Variants in PATJ observed in about 807,000 individuals in gnomAD.
PATJ encodes the protein inaD-like protein.
In PATJ, 190 loss-of-function variants were observed where a neutral mutation model predicts 224.9. That is an observed-to-expected ratio of 0.84 (90% CI 0.75 to 0.95). The LOEUF (loss-of-function observed/expected upper bound fraction) is 0.95, where lower values mean the gene tolerates loss of function less well. Ranked by LOEUF, PATJ falls within the 40% of genes least tolerant of loss-of-function variation. The pLI is 0.00. For synonymous variants in PATJ, 769 were observed against 820.3 expected, an observed-to-expected ratio of 0.94 and a Z score of 1.07; for missense variants, 2,121 against 2,270.3, an observed-to-expected ratio of 0.93 and a Z score of 1.34.
At chr1:62,157,998 T>C (rs72677988) in intron 43 of PATJ, among the ~76,000 whole-genome samples, 5,563 of 149,232 alleles carry the variant, frequency 0.037, 516 homozygotes, top group Non-Finnish European at 0.051. Context: ...GCCATGAACT[T>C]GGTTGTCACT....
chr1:61,856,334 G>C (rs941527488), intron 18 of PATJ, 95 bp downstream of exon 18: 1 of 958,496 alleles, frequency 1.0e-6, no homozygotes, highest in East Asian at 2.4e-5. Flanking sequence ...AAGAATTTCT[G>C]TTCTACTGTT....
At chr1:62,061,490 C>T (rs921772847) in intron 31 of PATJ, among the ~76,000 whole-genome samples, 2 of 151,774 alleles carry the variant, frequency 1.3e-5, no homozygotes, top group Non-Finnish European at 2.9e-5. Flanking sequence ...CCTGTTTTTC[C>T]CATCTTTATG....
At chr1:61,788,093 C>G in intron 8 of PATJ, 121 bp downstream of exon 8, 1 of 546,810 alleles carries the variant, frequency 1.8e-6, no homozygotes, top group Non-Finnish European at 2.7e-6. Context: ...ACTAGTGAAA[C>G]AGGAAAAAAA....
chr1:61,898,861 A>G (rs866401874), intron 22 of PATJ, among the ~76,000 whole-genome samples: 27 of 152,258 alleles, frequency 1.8e-4, no homozygotes, highest in Middle Eastern at 6.8e-3. Flanking sequence ...AACATGACTC[A>G]TTGCACTCTT....
intron 27 of PATJ, among the ~76,000 whole-genome samples, chr1:61,986,233 A>G (rs1276112934): frequency 2.6e-5 from 4 of 152,002 alleles, no homozygotes; most frequent in African/African-American, 9.7e-5. Context: ...TTTAATAGCT[A>G]GTAGTTCATT....
intron 25 of PATJ, among the ~76,000 whole-genome samples, chr1:61,911,709 A>C (rs1395044454): frequency 6.8e-6 from 1 of 147,124 alleles, no homozygotes; most frequent in Non-Finnish European, 1.5e-5. Context: ...ATATATATAT[A>C]TATATATATC....
chr1:62,088,500 T>C (rs1660315597), intron 33 of PATJ, among the ~76,000 whole-genome samples: 1 of 152,126 alleles, frequency 6.6e-6, no homozygotes, highest in African/African-American at 2.4e-5. Context: ...AACTCAGAGG[T>C]GATGCTGACC....
chr1:62,062,416 T>TTTTTTTTTTTTTTTG (rs1655671124), intron 31 of PATJ, among the ~76,000 whole-genome samples: 1 of 131,388 alleles, frequency 7.6e-6, no homozygotes, highest in Non-Finnish European at 1.7e-5. Context: ...TTTTTTTTTT[T>TTTTTTTTTTTTTTTG]TTTCCTTTTT....
chr1:61,928,752 TATA>T (rs926110017), intron 27 of PATJ, among the ~76,000 whole-genome samples: 392 of 151,982 alleles, frequency 2.6e-3, no homozygotes, highest in African/African-American at 9.0e-3. Flanking sequence ...CTATTATGGT[TATA>T]ATAATTACTA....
intron 9 of PATJ, among the ~76,000 whole-genome samples, chr1:61,791,824 G>A (rs957664079): frequency 1.3e-5 from 2 of 151,590 alleles, no homozygotes; most frequent in Admixed American, 6.6e-5. Flanking sequence ...TATGACTATT[G>A]TGTTTTATCA....
chr1:62,148,136 A>AG, intron 41 of PATJ, 148 bp from the exon 42 acceptor site: 1 of 501,716 alleles, frequency 2.0e-6, no homozygotes, highest in African/African-American at 1.9e-5. Flanking sequence ...AAAAAAAAAA[A>AG]AAAAAGTTTG....
intron 18 of PATJ, among the ~76,000 whole-genome samples, chr1:61,857,826 G>A (rs1253104602): frequency 2.6e-5 from 4 of 152,110 alleles, no homozygotes; most frequent in Non-Finnish European, 1.5e-5. Flanking sequence ...CTAGTAATTT[G>A]ATCAATAGGT....
intron 7 of PATJ, among the ~76,000 whole-genome samples, chr1:61,786,570 G>A (rs948482600): frequency 1.3e-5 from 2 of 152,022 alleles, no homozygotes; most frequent in Non-Finnish European, 2.9e-5. Context: ...TACCTCTGTA[G>A]TCTGCATCTC....
At chr1:62,034,002 G>A (rs1265359981) in intron 29 of PATJ, among the ~76,000 whole-genome samples, 1 of 152,138 alleles carries the variant, frequency 6.6e-6, no homozygotes, top group Non-Finnish European at 1.5e-5. Flanking sequence ...TGGAAAACAG[G>A]TCTCACCCTT....
chr1:61,898,199 G>A (rs1045484273), intron 22 of PATJ, among the ~76,000 whole-genome samples: 5 of 152,162 alleles, frequency 3.3e-5, no homozygotes, highest in Admixed American at 2.6e-4. Flanking sequence ...AGTTCCTCCT[G>A]TGTAAAATAT....
chr1:61,845,569 G>A, intron 17 of PATJ, among the ~76,000 whole-genome samples: 1 of 152,096 alleles, frequency 6.6e-6, no homozygotes, highest in East Asian at 1.9e-4. Flanking sequence ...TGTCACCCGA[G>A]AGTATAAACT....
intron 22 of PATJ, among the ~76,000 whole-genome samples, chr1:61,890,259 G>A (rs1447480757): frequency 2.0e-5 from 3 of 152,074 alleles, no homozygotes; most frequent in East Asian, 1.9e-4. Context: ...TGGGAGAATC[G>A]CTTGAGGCCA....
At chr1:62,121,381 TAATATA>T in intron 38 of PATJ, 86 bp downstream of exon 38, 1 of 808,774 alleles carries the variant, frequency 1.2e-6, no homozygotes, top group Non-Finnish European at 2.0e-6. Context: ...CAGTCTTCTT[TAATATA>T]AATGTTTTTT....
At chr1:62,002,873 CAGAG>C (rs1190709121) in intron 28 of PATJ, among the ~76,000 whole-genome samples, 2 of 152,108 alleles carry the variant, frequency 1.3e-5, no homozygotes, top group African/African-American at 2.4e-5. Context: ...TTTCTAGCAA[CAGAG>C]AGAATTGAGG....
Sources: gnomAD v4.1 joint callset for allele counts (sites outside exome capture counted in the v4.1 genomes callset) on GRCh38, gnomAD v4.1.1 for gene constraint, MANE v1.5 for transcripts, NCBI Gene and HGNC (gene_info 2026-07-23, HGNC 2026-07-21) for gene names.